Variants in RAB38 observed in about 807,000 individuals in gnomAD.
RAB38 encodes RAB38, member RAS oncogene family.
Under a neutral mutation model 18.4 loss-of-function variants are expected in RAB38, and 15 were observed. The observed-to-expected ratio is 0.82, with a 90% CI of 0.55 to 1.26. The LOEUF is 1.26. Ranked by LOEUF, RAB38 falls within the 50% of genes most tolerant of loss-of-function variation. RAB38 has a pLI of 0.00. For missense variants in RAB38, 294 were observed against 267.4 expected (o/e 1.10, Z -0.69); for synonymous variants, 101 against 104.4 (o/e 0.97, Z 0.20).
At chr11:87,806,641 T>C in the RAB38 span, among the ~76,000 whole-genome samples, 1 of 152,230 alleles carries the variant, frequency 6.6e-6, no homozygotes, top group Non-Finnish European at 1.5e-5. Flanking sequence ...TTAATTTTTT[T>C]ATTTGTTTTC....
chr11:87,840,741 C>T, the RAB38 span, among the ~76,000 whole-genome samples: 1 of 152,274 alleles, frequency 6.6e-6, no homozygotes, highest in East Asian at 1.9e-4. Context: ...ATGGATGTTT[C>T]TAATTTGTAA....
chr11:88,052,931 TA>T, the RAB38 span, among the ~76,000 whole-genome samples: 2 of 39,310 alleles, frequency 5.1e-5, no homozygotes, highest in Admixed American at 3.0e-4. Context: ...TATATATATA[TA>T]TATATATATA....
At chr11:87,943,339 C>T in the RAB38 span, among the ~76,000 whole-genome samples, 1 of 151,970 alleles carries the variant, frequency 6.6e-6, no homozygotes, top group Non-Finnish European at 1.5e-5. Flanking sequence ...TGATACATGG[C>T]TAGGTTACTT....
the RAB38 span, among the ~76,000 whole-genome samples, chr11:87,847,974 A>C: frequency 1.3e-5 from 2 of 152,100 alleles, no homozygotes; most frequent in African/African-American, 4.8e-5. Flanking sequence ...TAACTTTCCA[A>C]ACATCAAGGT....
At chr11:88,096,153 G>A in the RAB38 span, among the ~76,000 whole-genome samples, 1 of 151,678 alleles carries the variant, frequency 6.6e-6, no homozygotes, top group Non-Finnish European at 1.5e-5. Flanking sequence ...ATCAAAATAA[G>A]AAATCCTACA....
At chr11:88,023,142 C>G in the RAB38 span, among the ~76,000 whole-genome samples, 1 of 151,348 alleles carries the variant, frequency 6.6e-6, no homozygotes, top group South Asian at 2.1e-4. Flanking sequence ...GCTTGTACCC[C>G]TAAACATAAA....
At chr11:88,050,273 T>C in the RAB38 span, 5 of 152,354 alleles carry the variant, frequency 3.3e-5, no homozygotes, top group Admixed American at 3.3e-4. Flanking sequence ...GTCCCTCTGA[T>C]GATTTCCTCA....
the RAB38 span, among the ~76,000 whole-genome samples, chr11:88,092,726 T>C: frequency 2.0e-5 from 3 of 151,734 alleles, no homozygotes; most frequent in Admixed American, 6.6e-5. Context: ...TATATAAATA[T>C]ATATTCACTT....
the RAB38 span, among the ~76,000 whole-genome samples, chr11:87,909,556 A>C: frequency 6.6e-6 from 1 of 152,068 alleles, no homozygotes; most frequent in African/African-American, 2.4e-5. Context: ...AAATGTGTAC[A>C]TCCATAAAAT....
chr11:88,052,943 T>TAA, the RAB38 span, among the ~76,000 whole-genome samples: 44 of 115,694 alleles, frequency 3.8e-4, 1 homozygote, highest in African/African-American at 1.3e-3. Flanking sequence ...TATATATATA[T>TAA]AAATTATATA....
chr11:88,044,388 G>T, the RAB38 span, among the ~76,000 whole-genome samples: 1 of 151,702 alleles, frequency 6.6e-6, no homozygotes, highest in Non-Finnish European at 1.5e-5. Flanking sequence ...CTTTTCTCTG[G>T]GCTTGCCTCC....
At chr11:87,942,333 A>G in the RAB38 span, among the ~76,000 whole-genome samples, 1 of 152,162 alleles carries the variant, frequency 6.6e-6, no homozygotes, top group Non-Finnish European at 1.5e-5. Flanking sequence ...GAGAAAAGAC[A>G]CGGCCATTTT....
chr11:88,138,297 C>T (rs555908753), intron 2 of RAB38, among the ~76,000 whole-genome samples: 56 of 152,270 alleles, frequency 3.7e-4, no homozygotes, highest in Admixed American at 3.7e-3. Context: ...TAAGCACAGA[C>T]AGCAAATTAT....
chr11:87,865,841 G>A, the RAB38 span, among the ~76,000 whole-genome samples: 2 of 151,676 alleles, frequency 1.3e-5, no homozygotes, highest in African/African-American at 4.8e-5. Context: ...TCTCTCAGGA[G>A]AATATTGCAT....
Position 88,136,346 on chromosome 11 carries a change from A to G in RAB38, c.483+13329T>C, listed in dbSNP as rs1942834425. Reference sequence around the variant, plus strand: ...CCTTGGGAGGGTAGGACTGTCATCCACAAATCTAAGGGCGCTTCAAATGTG... The same window carrying G: ...CCTTGGGAGGGTAGGACTGTCATCCGCAAATCTAAGGGCGCTTCAAATGTG... On this transcript the variant is annotated intron_variant, in intron 2 of 2. Transcript: ENST00000243662. 3.3e-5 allele frequency among the ~76,000 whole-genome samples: 5 copies of G among 152,334 alleles called. No homozygotes were observed. The South Asian group carries it at 1.0e-3, about 32-fold the overall frequency.
chr11:88,084,182 C>T, the RAB38 span, among the ~76,000 whole-genome samples: 4 of 151,536 alleles, frequency 2.6e-5, no homozygotes, highest in African/African-American at 9.7e-5. Context: ...GTCCTGAAGC[C>T]TAGACATTGG....
chr11:88,166,848 T>C (rs910942290), intron 1 of RAB38: 11 of 152,286 alleles, frequency 7.2e-5, no homozygotes, highest in Admixed American at 7.2e-4. Flanking sequence ...TATAAAGTTG[T>C]GAAGTTTTTC....
the RAB38 span, among the ~76,000 whole-genome samples, chr11:87,972,764 TA>T: frequency 1.3e-5 from 2 of 152,030 alleles, no homozygotes; most frequent in Non-Finnish European, 2.9e-5. Flanking sequence ...ATATATTTTT[TA>T]AAAAAAGTCA....
the RAB38 span, among the ~76,000 whole-genome samples, chr11:87,944,921 C>G: frequency 3.3e-5 from 5 of 152,146 alleles, no homozygotes; most frequent in Non-Finnish European, 7.4e-5. Context: ...TCACTCACTT[C>G]TAAATAATGT....
Sources: allele counts gnomAD v4.1 joint callset (sites outside exome capture counted in the v4.1 genomes callset), GRCh38; gene constraint gnomAD v4.1.1; transcripts MANE v1.5; gene names NCBI Gene and HGNC (gene_info 2026-07-23, HGNC 2026-07-21).